Variants in UBR3 observed in about 807,000 individuals in gnomAD.
UBR3 encodes E3 ubiquitin-protein ligase UBR3.
In UBR3, 85 loss-of-function variants were observed where a neutral mutation model predicts 243.2. That is an observed-to-expected ratio of 0.35 (90% confidence interval 0.29 to 0.42). UBR3 has a LOEUF of 0.42. Among genes scored for constraint, UBR3 ranks in the 10% least tolerant of loss-of-function variants. UBR3 has a pLI of 1.00. For synonymous variants in UBR3, 748 were observed against 799.8 expected (o/e 0.94, Z 1.09); for missense variants, 1,686 against 2,300.8 (o/e 0.73, Z 5.47).
intron 27 of UBR3, 34 bp downstream of exon 27, chr2:170,001,448 T>C: frequency 7.6e-7 from 1 of 1,319,726 alleles, no homozygotes; most frequent in East Asian, 2.3e-5. Flanking sequence ...TAAAGGTGCA[T>C]GTATCTTTCC....
intron 35 of UBR3, among the ~76,000 whole-genome samples, chr2:170,072,137 A>G (rs1021270989): frequency 8.5e-5 from 13 of 152,130 alleles, no homozygotes; most frequent in Non-Finnish European, 1.3e-4. Flanking sequence ...GTTTATTGCG[A>G]CACTATTCAC....
intron 24 of UBR3, among the ~76,000 whole-genome samples, chr2:169,969,678 A>C (rs1180552981): frequency 6.6e-6 from 1 of 151,648 alleles, no homozygotes; most frequent in East Asian, 1.9e-4. Context: ...CCTCCCAAGC[A>C]GCTGGGACAA....
At chr2:169,842,280 T>G (rs964825472) in intron 1 of UBR3, among the ~76,000 whole-genome samples, 8 of 151,982 alleles carry the variant, frequency 5.3e-5, no homozygotes. Flanking sequence ...AAACTCTGTA[T>G]CTAACTAATC....
intron 8 of UBR3, among the ~76,000 whole-genome samples, chr2:169,901,333 T>C (rs16857251): frequency 0.057 from 8,722 of 152,178 alleles, 461 homozygotes; most frequent in African/African-American, 0.14. Flanking sequence ...AGCAGTAAAT[T>C]ACATTATTTC....
chr2:169,933,030 G>T, intron 19 of UBR3, 22 bp downstream of exon 19: 1 of 1,472,070 alleles, frequency 6.8e-7, no homozygotes, highest in Non-Finnish European at 9.1e-7. Context: ...AAATTGATTA[G>T]CATCATAACA....
At chr2:170,017,478 A>G (rs1241945074) in intron 30 of UBR3, among the ~76,000 whole-genome samples, 1 of 151,568 alleles carries the variant, frequency 6.6e-6, no homozygotes, top group African/African-American at 2.4e-5. Context: ...CTTTTAATAA[A>G]TTTTGTCTAG....
chr2:169,837,173 G>A (rs2082137285), intron 1 of UBR3, among the ~76,000 whole-genome samples: 1 of 151,960 alleles, frequency 6.6e-6, no homozygotes, highest in South Asian at 2.1e-4. Context: ...GTCTGTTTTC[G>A]CACTGCTATA....
At chr2:169,994,800 T>G (rs1302992542) in intron 26 of UBR3, among the ~76,000 whole-genome samples, 5 of 152,238 alleles carry the variant, frequency 3.3e-5, no homozygotes, top group Non-Finnish European at 5.9e-5. Flanking sequence ...CCACTGTCAG[T>G]GGGGAATTTA....
At chr2:169,874,624 T>C (rs1218929108) in intron 2 of UBR3, among the ~76,000 whole-genome samples, 1 of 152,198 alleles carries the variant, frequency 6.6e-6, no homozygotes, top group African/African-American at 2.4e-5. Context: ...AATCCTTATA[T>C]CTGTGTTAGA....
chr2:169,918,492 T>A (rs932648877), intron 11 of UBR3, among the ~76,000 whole-genome samples: 4 of 151,254 alleles, frequency 2.6e-5, no homozygotes, highest in African/African-American at 9.7e-5. Context: ...CAAATAATTT[T>A]TTTTTTTTTT....
chr2:170,022,893 C>T (rs2090430138), intron 30 of UBR3, among the ~76,000 whole-genome samples: 1 of 152,024 alleles, frequency 6.6e-6, no homozygotes, highest in African/African-American at 2.4e-5. Flanking sequence ...TTCCCTTCTT[C>T]TTGGACCTGT....
Position 170,082,847 on chromosome 2 carries a change from A to G in UBR3, c.*1004A>G, listed in dbSNP as rs2091927853. ...TATTTCTGCTCGGTTTCCTAAAAGG[A>G]AAAAAAAGGCGCAGTGGTGATGACC... On this transcript the variant is annotated 3_prime_UTR_variant, in exon 39 of 39. Transcript: ENST00000272793. 1 of 152,118 alleles carries G rather than the reference A, an allele frequency of 6.6e-6. No individual in the cohort carries two copies. The highest frequency in any genetic ancestry group is 2.1e-4 in the South Asian group (1 of 4,826). The allele number at this position is 152,118 out of a possible 1,614,324, so 9.4% of individuals were successfully genotyped here.
chr2:169,869,298 T>C (rs980411810), intron 1 of UBR3, among the ~76,000 whole-genome samples: 1 of 142,742 alleles, frequency 7.0e-6, no homozygotes, highest in Admixed American at 7.4e-5. Context: ...CTCGGCTCAC[T>C]GCAACCTCTG....
chr2:170,030,896 C>T (rs917314598), intron 31 of UBR3, among the ~76,000 whole-genome samples: 2 of 152,046 alleles, frequency 1.3e-5, no homozygotes, highest in Admixed American at 1.3e-4. Context: ...CATCCATTTG[C>T]ATTTCTTTTT....
chr2:169,847,994 T>C (rs982562304), intron 1 of UBR3, among the ~76,000 whole-genome samples: 5 of 152,220 alleles, frequency 3.3e-5, no homozygotes, highest in African/African-American at 7.2e-5. Flanking sequence ...TATAGCAGCA[T>C]TGATTTTCCT....
At chr2:169,838,384 CATTTGTGTGT>C (rs1425052483) in intron 1 of UBR3, among the ~76,000 whole-genome samples, 110 of 133,626 alleles carry the variant, frequency 8.2e-4, no homozygotes, top group African/African-American at 2.9e-3. Flanking sequence ...AAGATTAAGG[CATTTGTGTGT>C]GTGTGTGTGT....
chr2:169,973,584 G>C lies in UBR3; in HGVS notation c.3635-13061G>C, dbSNP rs542641420. Among the ~76,000 whole-genome samples the C allele has an allele frequency of 2.5e-4, 38 of 152,262 alleles. 1 individual carries two copies. The highest frequency in any genetic ancestry group is 8.4e-4 in the African/African-American group (35 of 41,556). ...GAAGCTTTACTGAATTTGCTTATCAGTTCTAAGAGTTTCTTGGCAAAGCTT... is the reference window on the plus strand; with the variant it reads ...GAAGCTTTACTGAATTTGCTTATCACTTCTAAGAGTTTCTTGGCAAAGCTT... On this transcript the variant is annotated intron_variant, in intron 24 of 38. Transcript: ENST00000272793.
intron 6 of UBR3, among the ~76,000 whole-genome samples, chr2:169,891,887 A>G (rs1015682616): frequency 2.0e-5 from 3 of 152,210 alleles, no homozygotes; most frequent in African/African-American, 7.2e-5. Context: ...GACTGTCACT[A>G]AAAGCTTTTC....
At chr2:169,846,417 C>CA (rs1553490965) in intron 1 of UBR3, among the ~76,000 whole-genome samples, 31 of 150,920 alleles carry the variant, frequency 2.1e-4, no homozygotes, top group East Asian at 1.2e-3. Flanking sequence ...TTTAAAACTC[C>CA]TTTTTTTTTA....
Sources: allele counts gnomAD v4.1 joint callset (sites outside exome capture counted in the v4.1 genomes callset), GRCh38; gene constraint gnomAD v4.1.1; transcripts MANE v1.5; gene names NCBI Gene and HGNC (gene_info 2026-07-23, HGNC 2026-07-21).